The following CSRNP3 variants were observed in gnomAD, a reference collection of about 807,000 sequenced individuals.
CSRNP3 encodes the protein cysteine and serine rich nuclear protein 3, also known as cysteine/serine-rich nuclear protein 3.
Under a neutral mutation model 48.0 loss-of-function variants are expected in CSRNP3, and 12 were observed. That is an observed-to-expected ratio of 0.25 (90% CI 0.16 to 0.41). The LOEUF (loss-of-function observed/expected upper bound fraction) is 0.41. Ranked by LOEUF, CSRNP3 falls within the 10% of genes least tolerant of loss-of-function variation. The probability of loss-of-function intolerance (pLI) is 1.00; values close to 1 mark genes in which losing one functional copy is unlikely to be tolerated. For missense variants in CSRNP3, 580 were observed against 724.4 expected, an observed-to-expected ratio of 0.80 and a Z score of 2.29; for synonymous variants, 263 against 269.7, an observed-to-expected ratio of 0.98 and a Z score of 0.24.
intron 3 of CSRNP3, among the ~76,000 whole-genome samples, chr2:165,542,278 A>T (rs1684967694): frequency 6.6e-6 from 1 of 152,164 alleles, no homozygotes; most frequent in African/African-American, 2.4e-5. Context: ...TGAGAATTAG[A>T]TGAAGCTTTC....
At chr2:165,569,273 T>C (rs549938298) in intron 3 of CSRNP3, among the ~76,000 whole-genome samples, 6 of 152,154 alleles carry the variant, frequency 3.9e-5, no homozygotes, top group Middle Eastern at 3.4e-3. Context: ...AATCTAATAG[T>C]AGCAAGTGGT....
At chr2:165,666,256 GAA>G (rs1336373938) in intron 5 of CSRNP3, among the ~76,000 whole-genome samples, 1 of 126,560 alleles carries the variant, frequency 7.9e-6, no homozygotes, top group Admixed American at 8.1e-5. Context: ...GAGGAAGAAA[GAA>G]AGACAGAGAG....
chr2:165,483,514 T>A (rs1574796047), intron 1 of CSRNP3, among the ~76,000 whole-genome samples: 1 of 152,352 alleles, frequency 6.6e-6, no homozygotes, highest in South Asian at 2.1e-4. Flanking sequence ...CTTTTAAGTC[T>A]CTAGGTTTGT....
At chr2:165,654,318 G>T (rs1018223915) in intron 4 of CSRNP3, among the ~76,000 whole-genome samples, 4 of 152,154 alleles carry the variant, frequency 2.6e-5, no homozygotes, top group African/African-American at 9.7e-5. Context: ...TTATGAAATG[G>T]ATCAGAACTT....
intron 1 of CSRNP3, among the ~76,000 whole-genome samples, chr2:165,478,072 G>A (rs1032124366): frequency 4.0e-5 from 6 of 151,406 alleles, no homozygotes; most frequent in Admixed American, 3.9e-4. Context: ...ACGAAAGAAA[G>A]GTTAAAAAAA....
intron 2 of CSRNP3, among the ~76,000 whole-genome samples, chr2:165,496,018 T>A (rs1198065380): frequency 6.6e-6 from 1 of 152,020 alleles, no homozygotes; most frequent in East Asian, 1.9e-4. Context: ...ACACTAAAGT[T>A]CATCCCATGT....
In CSRNP3 at chr2:165,552,532, A is replaced by G. The variant is rs73969298; in HGVS notation, c.-24+34571A>G. On this transcript the variant is annotated intron_variant, in intron 3 of 6. Transcript: ENST00000651982. The stretch of plus-strand genomic sequence containing the variant: ...ACCAGGTATCTGATCATCACTTTGT[A>G]GTTACATCTCCTTTAATCCTCACCA... Among the ~76,000 whole-genome samples the G allele has an allele frequency of 2.2e-3, 336 of 152,274 alleles. 1 individual carries two copies. The highest frequency in any genetic ancestry group is 7.6e-3 in the African/African-American group (317 of 41,568).
intron 2 of CSRNP3, among the ~76,000 whole-genome samples, chr2:165,496,376 T>A (rs540674022): frequency 6.6e-6 from 1 of 152,044 alleles, no homozygotes; most frequent in African/African-American, 2.4e-5. Context: ...ACTGTAACCT[T>A]GTAGATGGCA....
chr2:165,603,579 C>T (rs1685957074), intron 4 of CSRNP3, among the ~76,000 whole-genome samples: 1 of 152,142 alleles, frequency 6.6e-6, no homozygotes, highest in Admixed American at 6.5e-5. Flanking sequence ...GTAGCACTCA[C>T]CGCTTGTCTT....
In CSRNP3 at chr2:165,685,104, T is replaced by TA. The variant is rs1177536680; in HGVS notation, c.*5355dup. 6.6e-6 allele frequency: 1 copy of TA among 152,096 alleles called. No individual in the cohort carries two copies. Among genetic ancestry groups the TA allele is most frequent in the Non-Finnish European group, 1.5e-5 (1 of 68,004 alleles). 9.4% of individuals were successfully genotyped at this position (152,096 alleles called of 1,614,324 possible). On this transcript the variant is annotated 3_prime_UTR_variant, in exon 7 of 7. Transcript: ENST00000651982. ...TAAAAAATTTAAACACATTTTATAT[T>TA]AAAATAAGTGATCAATGACTTTCAT...
chr2:165,587,419 C>T (rs1386865890), intron 3 of CSRNP3, among the ~76,000 whole-genome samples: 9 of 152,296 alleles, frequency 5.9e-5, no homozygotes, highest in East Asian at 1.9e-4. Context: ...AGTACCCAGC[C>T]AGGTGGCCCC....
rs771003387 is a variant in CSRNP3, at chr2:165,679,625, G to C, written c.1630G>C (p.Val544Leu). The C allele has an allele frequency of 5.2e-5, 84 of 1,614,026 alleles. No individual in the cohort carries two copies. Among genetic ancestry groups the C allele is most frequent in the Non-Finnish European group, 6.9e-5 (81 of 1,180,024 alleles). ...YLKGPSQEGF[V>L]SALNGDSHIS... ...GAAAGGCCCCTCCCAAGAAGGGTTTGTCTCTGCATTGAATGGTGACAGTCA... is the reference window on the plus strand; with the variant it reads ...GAAAGGCCCCTCCCAAGAAGGGTTTCTCTCTGCATTGAATGGTGACAGTCA... The change falls in exon 7 of 7, where the codon GTC becomes CTC. Residue 544 changes from valine (V) to leucine (L), a missense_variant. Physicochemically the swap from Val to Leu is conservative, Grantham distance 32. Around this residue, in one of 4 missense-constraint regions of CSRNP3, gnomAD observed 369 missense variants for 380.8 expected, o/e 0.97. Coordinates refer to ENST00000651982, the MANE Select transcript of CSRNP3 (RefSeq NM_001172173.2).
rs71028497 is a variant in CSRNP3 at position 165,653,972 on chromosome 2, C to CAAAAAA, written c.149-3758_149-3753dup. Among the ~76,000 whole-genome samples, 70 of 41,228 alleles carry CAAAAAA rather than the reference C, an allele frequency of 1.7e-3. 16 individuals are homozygous for CAAAAAA. Among genetic ancestry groups the CAAAAAA allele is most frequent in the East Asian group, 0.014 (10 of 698 alleles). The allele number at this position is 41,228 out of a possible 152,430, so 27.0% of individuals were successfully genotyped here. A position where few individuals can be genotyped will look rare whatever the true frequency, so the allele number is the denominator to read the frequency against. ...GGGCAACAAGAGCGAAGCTCTATCA[C>CAAAAAA]AAAAAAAAAAAAAAAAAAAAAAAAA... On this transcript the variant is annotated intron_variant, in intron 4 of 6. Transcript: ENST00000651982.
intron 3 of CSRNP3, among the ~76,000 whole-genome samples, chr2:165,581,121 G>A (rs1358153558): frequency 6.6e-6 from 1 of 152,070 alleles, no homozygotes; most frequent in Admixed American, 6.6e-5. Flanking sequence ...TTAACCTTAG[G>A]GAAGAACTTT....
chr2:165,475,851 C>T (rs1025335499), intron 1 of CSRNP3, among the ~76,000 whole-genome samples: 1 of 152,162 alleles, frequency 6.6e-6, no homozygotes, highest in Non-Finnish European at 1.5e-5. Flanking sequence ...GCTATCTGTG[C>T]TCTCCTACAT....
chr2:165,579,616 A>G (rs1354850139), intron 3 of CSRNP3, among the ~76,000 whole-genome samples: 1 of 152,174 alleles, frequency 6.6e-6, no homozygotes, highest in Non-Finnish European at 1.5e-5. Context: ...TGCTGAGCCA[A>G]TGTTACTATG....
At chr2:165,508,145 T>A (rs1475185581) in intron 2 of CSRNP3, among the ~76,000 whole-genome samples, 1 of 152,056 alleles carries the variant, frequency 6.6e-6, no homozygotes, top group Non-Finnish European at 1.5e-5. Context: ...CAGCTGAACA[T>A]GAAAGTACAC....
chr2:165,580,630 GTTTTTTTAAAGTCCC>G (rs1317474632), intron 3 of CSRNP3, among the ~76,000 whole-genome samples: 3 of 152,026 alleles, frequency 2.0e-5, no homozygotes, highest in African/African-American at 7.2e-5. Context: ...TGGGGAAAAT[GTTTTTTTAAAGTCCC>G]TTTTCCTTCA....
intron 3 of CSRNP3, among the ~76,000 whole-genome samples, chr2:165,559,571 A>G (rs1685203460): frequency 6.6e-6 from 1 of 152,160 alleles, no homozygotes; most frequent in South Asian, 2.1e-4. Context: ...GTCATTCACA[A>G]GTAAAAGAAA....
Sources: gnomAD v4.1 joint callset for allele counts (sites outside exome capture counted in the v4.1 genomes callset) on GRCh38, gnomAD v4.1.1 for gene constraint, gnomAD v4.1.1 regional missense constraint, MANE v1.5 for transcripts, NCBI Gene and HGNC (gene_info 2026-07-23, HGNC 2026-07-21) for gene names.